The following CARMIL1 variants were observed in gnomAD, a reference collection of about 807,000 sequenced individuals.
The protein encoded by CARMIL1 is F-actin-uncapping protein LRRC16A.
A neutral mutation model predicts 177.1 loss-of-function variants in CARMIL1; 90 were observed. That is an observed-to-expected ratio of 0.51 (90% CI 0.43 to 0.61). The LOEUF (loss-of-function observed/expected upper bound fraction) is 0.61. Ranked by LOEUF, CARMIL1 falls within the 20% of genes least tolerant of loss-of-function variation. The pLI, the probability that CARMIL1 is intolerant of heterozygous loss-of-function variation, is 0.00. For synonymous variants in CARMIL1, 577 were observed against 606.2 expected, an observed-to-expected ratio of 0.95 and a Z score of 0.71; for missense variants, 1,380 against 1,667.0, an observed-to-expected ratio of 0.83 and a Z score of 3.00.
At chr6:25,566,208 G>A (rs979516570) in intron 29 of CARMIL1, among the ~76,000 whole-genome samples, 3 of 152,204 alleles carry the variant, frequency 2.0e-5, no homozygotes, top group Non-Finnish European at 4.4e-5. Context: ...GTATCCAGAA[G>A]AGTTTTCTAA....
At chr6:25,521,642 G>A (rs1317283049) in intron 23 of CARMIL1, among the ~76,000 whole-genome samples, 2 of 151,976 alleles carry the variant, frequency 1.3e-5, no homozygotes, top group African/African-American at 4.8e-5. Flanking sequence ...GGTGGCGGGC[G>A]CCTGTAGTCC....
At chr6:25,318,271 G>T (rs2690116) in intron 2 of CARMIL1, among the ~76,000 whole-genome samples, 5,920 of 152,188 alleles carry the variant, frequency 0.039, 332 homozygotes, top group African/African-American at 0.13. Flanking sequence ...CCGCATCCAT[G>T]CTGAAATTGG....
chr6:25,526,413 A>C (rs1242441683), intron 23 of CARMIL1, among the ~76,000 whole-genome samples: 2 of 122,202 alleles, frequency 1.6e-5, no homozygotes, highest in African/African-American at 5.9e-5. Context: ...GTGCTTTGTT[A>C]ATAAAAAAAT....
chr6:25,560,403 C>G (rs115221713), intron 29 of CARMIL1, among the ~76,000 whole-genome samples: 3,040 of 152,102 alleles, frequency 0.02, 78 homozygotes, highest in African/African-American at 0.06. Flanking sequence ...TCTTAGCCCC[C>G]GAGAGTCTGA....
At chr6:25,287,635 A>G (rs1174564771) in intron 2 of CARMIL1, 3 of 152,338 alleles carry the variant, frequency 2.0e-5, no homozygotes, top group South Asian at 2.1e-4. Flanking sequence ...CTACAACGCT[A>G]TGAGGTAGGC....
intron 2 of CARMIL1, among the ~76,000 whole-genome samples, chr6:25,302,462 A>G (rs1246078386): frequency 6.6e-6 from 1 of 152,216 alleles, no homozygotes; most frequent in Non-Finnish European, 1.5e-5. Context: ...AGTATCCTTG[A>G]GGAGATTGTA....
intron 20 of CARMIL1, among the ~76,000 whole-genome samples, chr6:25,513,880 A>G (rs1805697315): frequency 6.6e-6 from 1 of 152,192 alleles, no homozygotes; most frequent in Non-Finnish European, 1.5e-5. Flanking sequence ...TGGCTAGGAC[A>G]ATATAGAGGA....
At chr6:25,379,722 C>T (rs772787013) in intron 2 of CARMIL1, among the ~76,000 whole-genome samples, 2 of 152,104 alleles carry the variant, frequency 1.3e-5, no homozygotes. Flanking sequence ...CCTCAGGGGC[C>T]GGGATTGCTA....
chr6:25,547,548 C>T (rs987864792), intron 26 of CARMIL1, among the ~76,000 whole-genome samples: 12 of 152,216 alleles, frequency 7.9e-5, no homozygotes, highest in Admixed American at 3.3e-4. Flanking sequence ...GGACTATACC[C>T]GTACTTAGTG....
chr6:25,482,334 T>C lies in CARMIL1; in HGVS notation c.952T>C (p.Ser318Pro). 6.5e-7 allele frequency: 1 copy of C among 1,545,112 alleles called. No individual in the cohort carries two copies. Among genetic ancestry groups the C allele is most frequent in the Non-Finnish European group, 8.9e-7 (1 of 1,125,856 alleles). Reference protein sequence around the residue: ...KHLNLSKTSLSPKGVNSLSQS... With the variant: ...KHLNLSKTSLPPKGVNSLSQS... The stretch of plus-strand genomic sequence containing the variant: ...CTTAAATTTATCTAAAACCTCATTA[T>C]CACCTAAAGGTACAGTATTTCTTAT... Residue 318 changes from serine to proline, a missense_variant, in exon 12 of 37, where the codon TCA becomes CCA. Ser to Pro is a moderately conservative substitution (Grantham distance 74). Coordinates refer to ENST00000329474, the MANE Select transcript of CARMIL1 (RefSeq NM_017640.6).
chr6:25,569,871 CTTTG>C (rs558918531), intron 29 of CARMIL1, among the ~76,000 whole-genome samples: 37 of 152,298 alleles, frequency 2.4e-4, no homozygotes, highest in Non-Finnish European at 3.7e-4. Context: ...GGGTTTTCCC[CTTTG>C]TTTATGTTTT....
In CARMIL1 at chr6:25,471,242, A is replaced by T; in HGVS notation, c.764A>T (p.Asn255Ile). Residue 255 changes from asparagine (N) to isoleucine (I), a missense_variant, in exon 10 of 37, where the codon AAT (asparagine) becomes ATT (isoleucine). By Grantham distance (149) the Asn-to-Ile change is moderately radical. Coordinates refer to ENST00000329474, the MANE Select transcript of CARMIL1 (RefSeq NM_017640.6). ...SNRLEELVLE[N>I]AGLRTDFAQK... ...CGACTGGAAGAATTGGTGTTGGAAAATGCTGGACTTAGAACGTGAGTATTT... is the reference window on the plus strand; with the variant it reads ...CGACTGGAAGAATTGGTGTTGGAAATTGCTGGACTTAGAACGTGAGTATTT... 6.2e-7 allele frequency: 1 copy of T among 1,612,430 alleles called. No homozygotes were observed. The highest frequency in any genetic ancestry group is 8.5e-7 in the Non-Finnish European group (1 of 1,178,752).
Position 25,342,886 on chromosome 6 carries a change from C to T in CARMIL1, c.138+57977C>T, listed in dbSNP as rs1039049470. 2.6e-5 allele frequency among the ~76,000 whole-genome samples: 4 copies of T among 152,268 alleles called. No individual in the cohort carries two copies. The East Asian group carries it at 5.8e-4, about 22-fold the overall frequency. On this transcript the variant is annotated intron_variant, in intron 2 of 36. Transcript: ENST00000329474. ...ACCTTCCTCCTCCTCCAGCTGCACA[C>T]GTAGTTTACTGGTTACTGTGGTAAC...
At chr6:25,396,513 C>T (rs1197198084) in intron 2 of CARMIL1, among the ~76,000 whole-genome samples, 1 of 151,922 alleles carries the variant, frequency 6.6e-6, no homozygotes, top group Non-Finnish European at 1.5e-5. Flanking sequence ...AGGCACCCAC[C>T]ACCACGCCCA....
At chr6:25,546,198 T>C (rs1030943310) in intron 26 of CARMIL1, among the ~76,000 whole-genome samples, 3 of 152,172 alleles carry the variant, frequency 2.0e-5, no homozygotes, top group African/African-American at 4.8e-5. Flanking sequence ...GGCAAAGATG[T>C]TTATAATCAT....
chr6:25,430,522 C>T (rs571543918), intron 4 of CARMIL1, among the ~76,000 whole-genome samples: 3 of 151,302 alleles, frequency 2.0e-5, no homozygotes, highest in East Asian at 1.9e-4. Flanking sequence ...CTTCGCTTCT[C>T]GGGACCAAGC....
intron 2 of CARMIL1, among the ~76,000 whole-genome samples, chr6:25,368,333 T>C (rs1790054685): frequency 6.6e-6 from 1 of 152,200 alleles, no homozygotes; most frequent in Non-Finnish European, 1.5e-5. Context: ...TAAACCACAC[T>C]TTTTCCGTTT....
At chr6:25,442,468 ATG>A (rs5875041) in intron 5 of CARMIL1, among the ~76,000 whole-genome samples, 15 of 148,826 alleles carry the variant, frequency 1.0e-4, no homozygotes, top group Admixed American at 1.3e-4. Flanking sequence ...GTGTGTGTGT[ATG>A]TGTGTGTGTG....
In CARMIL1 at chr6:25,594,411, G is replaced by T; in HGVS notation, c.3007-4G>T. The T allele has an allele frequency of 6.4e-7, 1 of 1,572,472 alleles. No homozygotes were observed. Among genetic ancestry groups the T allele is most frequent in the Non-Finnish European group, 8.7e-7 (1 of 1,148,612 alleles). ...AATTAACATTACATCTGTTTGTTTT[G>T]CAGGTCTGTGCTGCCAACATAGTCT... On this transcript the variant is annotated splice_polypyrimidine_tract_variant and splice_region_variant and intron_variant, in intron 31 of 36. Coordinates refer to ENST00000329474, the MANE Select transcript of CARMIL1 (RefSeq NM_017640.6).
Sources: gnomAD v4.1 joint callset for allele counts (sites outside exome capture counted in the v4.1 genomes callset) on GRCh38, gnomAD v4.1.1 for gene constraint, MANE v1.5 for transcripts, NCBI Gene and HGNC (gene_info 2026-07-23, HGNC 2026-07-21) for gene names.